Variants in AMZ1 observed in about 807,000 individuals in gnomAD.
AMZ1 encodes the protein archaelysin family metallopeptidase 1.
In AMZ1, 39 loss-of-function variants were observed where a neutral mutation model predicts 29.9. The ratio of observed to expected loss-of-function variants is 1.30; its 90% CI spans 1.01 to 1.70. The LOEUF (loss-of-function observed/expected upper bound fraction) is 1.70, where lower values mean the gene tolerates loss of function less well. AMZ1 is among the 40% of genes most tolerant of loss of function. The pLI is 0.00. For missense variants in AMZ1, 1,041 were observed against 680.6 expected (o/e 1.53, Z -5.89); for synonymous variants, 458 against 304.0 (o/e 1.51, Z -5.27).
At chr7:2,748,058 C>T (rs1443758662) in intron 4 of AMZ1, among the ~76,000 whole-genome samples, 4 of 150,104 alleles carry the variant, frequency 2.7e-5, no homozygotes, top group South Asian at 2.1e-4. Context: ...TAGGAAGAAT[C>T]GATATCATGA....
At chr7:2,690,454 C>G (rs1294498587) in intron 1 of AMZ1, among the ~76,000 whole-genome samples, 1 of 152,200 alleles carries the variant, frequency 6.6e-6, no homozygotes, top group Non-Finnish European at 1.5e-5. Context: ...CTCCTGGACT[C>G]AAGCGATTGT....
At position 2,718,582 on chromosome 7, in the gene AMZ1, G is replaced by A. The variant is rs570032117; in HGVS notation, c.*5704G>A. The stretch of plus-strand genomic sequence containing the variant: ...GTGATGAGCGCGGCTGACGGCTCCC[G>A]GGGGCAGTGTGGGGTCCAGTCTGAA... On this transcript the variant is annotated 3_prime_UTR_variant, in exon 7 of 7. Transcript: ENST00000683327. Among the ~76,000 whole-genome samples the A allele has an allele frequency of 2.0e-5, 3 of 152,324 alleles. No homozygotes were observed. The highest frequency in any genetic ancestry group is 4.4e-5 in the Non-Finnish European group (3 of 68,024).
chr7:2,683,507 G>A (rs1438622140), upstream of AMZ1, among the ~76,000 whole-genome samples: 13 of 152,052 alleles, frequency 8.5e-5, no homozygotes, highest in East Asian at 5.8e-4. Context: ...GCACGATCTC[G>A]GCTCACTGCA....
At chr7:2,698,567 G>T (rs1341400685) in intron 1 of AMZ1, among the ~76,000 whole-genome samples, 1 of 151,150 alleles carries the variant, frequency 6.6e-6, no homozygotes, top group African/African-American at 2.4e-5. Context: ...GGGCTCGGGG[G>T]GTCTGTGTGC....
rs1382082514 is a variant in AMZ1 at position 2,716,566 on chromosome 7, C to G, written c.*3688C>G. 6.6e-6 allele frequency: 1 copy of G among 152,240 alleles called. No individual in the cohort carries two copies. Among genetic ancestry groups the G allele is most frequent in the African/African-American group, 2.4e-5 (1 of 41,438 alleles). 9.4% of individuals were successfully genotyped at this position (152,240 alleles called of 1,614,324 possible). A position where few individuals can be genotyped will look rare whatever the true frequency, so the allele number is the denominator to read the frequency against. ...AAAGCTGGGAGTCCAAATTTAGATCCCACCAAGTTCAAAGGGGGAGGCTAG... is the reference window on the plus strand; with the variant it reads ...AAAGCTGGGAGTCCAAATTTAGATCGCACCAAGTTCAAAGGGGGAGGCTAG... On this transcript the variant is annotated 3_prime_UTR_variant, in exon 7 of 7. Transcript: ENST00000683327.
chr7:2,692,804 C>T (rs1025043994), intron 1 of AMZ1, among the ~76,000 whole-genome samples: 2 of 152,204 alleles, frequency 1.3e-5, no homozygotes, highest in Non-Finnish European at 2.9e-5. Context: ...AAAGCTCTTC[C>T]AACAGCCTCC....
At chr7:2,761,158 G>A (rs151030161), upstream of AMZ1, among the ~76,000 whole-genome samples, 966 of 152,222 alleles carry the variant, frequency 6.3e-3, 6 homozygotes, top group African/African-American at 0.022. Flanking sequence ...AGACAACCAC[G>A]GCCGCCTCAC....
At chr7:2,752,637 A>G (rs564617455) in intron 4 of AMZ1, among the ~76,000 whole-genome samples, 1 of 152,340 alleles carries the variant, frequency 6.6e-6, no homozygotes, top group East Asian at 1.9e-4. Context: ...AAAATCAAGT[A>G]TATGTTTTAC....
intron 4 of AMZ1, among the ~76,000 whole-genome samples, chr7:2,744,209 G>A (rs1406809194): frequency 6.6e-6 from 1 of 152,222 alleles, no homozygotes; most frequent in African/African-American, 2.4e-5. Context: ...TCTGAGAACG[G>A]GCAGACTGCC....
At chr7:2,757,832 C>CATGT (rs1346203226) in intron 4 of AMZ1, among the ~76,000 whole-genome samples, 1 of 152,162 alleles carries the variant, frequency 6.6e-6, no homozygotes, top group Non-Finnish European at 1.5e-5. Flanking sequence ...TCAATGAAGA[C>CATGT]ATGTGTTTTT....
chr7:2,750,842 G>A (rs1349313445), intron 4 of AMZ1, among the ~76,000 whole-genome samples: 1 of 152,210 alleles, frequency 6.6e-6, no homozygotes, highest in African/African-American at 2.4e-5. Context: ...TATGGCGAAA[G>A]TTTTAGAGTT....
At chr7:2,762,339 GAC>G (rs1791600140), upstream of AMZ1, 1 of 364,238 alleles carries the variant, frequency 2.7e-6, no homozygotes, top group African/African-American at 2.1e-5. Context: ...ACTGCTGCTG[GAC>G]ACACACGATC....
intron 1 of AMZ1, among the ~76,000 whole-genome samples, chr7:2,696,376 C>T (rs992735587): frequency 4.6e-5 from 7 of 150,818 alleles, no homozygotes; most frequent in Non-Finnish European, 8.9e-5. Context: ...CCTGCCTCAG[C>T]CTCCCAAGTA....
rs1191867154 is a variant in AMZ1, at chr7:2,714,867, A to G, written c.*1989A>G. ...CCCGACAAACAGGGCAGCCAGAGCC[A>G]GACAGCAGGCTCCTGGTCCCAGTCC... On this transcript the variant is annotated 3_prime_UTR_variant, in exon 7 of 7. Transcript: ENST00000683327. The G allele has an allele frequency of 6.6e-6, 1 of 152,386 alleles. No homozygotes were observed. The highest frequency in any genetic ancestry group is 1.5e-5 in the Non-Finnish European group (1 of 68,054). 9.4% of individuals were successfully genotyped at this position (152,386 alleles called of 1,614,324 possible).
intron 4 of AMZ1, among the ~76,000 whole-genome samples, chr7:2,727,801 A>ACTGTGGGAGG (rs1212749778): frequency 1.3e-5 from 2 of 151,830 alleles, no homozygotes; most frequent in South Asian, 2.1e-4. Flanking sequence ...TAATCCCAGC[A>ACTGTGGGAGG]CTGTGGGAGG....
downstream of AMZ1, among the ~76,000 whole-genome samples, chr7:2,719,903 A>C (rs1168606536): frequency 6.6e-5 from 10 of 152,100 alleles, no homozygotes; most frequent in Non-Finnish European, 7.4e-5. Context: ...GGCTGGTCTC[A>C]AACTCCTGAC....
chr7:2,742,939 T>C (rs907565948), intron 4 of AMZ1, among the ~76,000 whole-genome samples: 2 of 152,226 alleles, frequency 1.3e-5, no homozygotes, highest in Non-Finnish European at 2.9e-5. Flanking sequence ...TAGGTTCTTC[T>C]CAATTTTCCA....
intron 4 of AMZ1, among the ~76,000 whole-genome samples, chr7:2,756,443 T>A (rs1233748174): frequency 2.0e-5 from 3 of 152,006 alleles, no homozygotes; most frequent in African/African-American, 7.2e-5. Flanking sequence ...TGAGACCTCA[T>A]CTCTGCAAAA....
At chr7:2,701,863 C>G (rs912104938) in intron 2 of AMZ1, among the ~76,000 whole-genome samples, 3 of 152,208 alleles carry the variant, frequency 2.0e-5, no homozygotes, top group Admixed American at 6.5e-5. Flanking sequence ...CAGCATCCAC[C>G]ACCCCACAGC....
Sources: gnomAD v4.1 joint callset for allele counts (sites outside exome capture counted in the v4.1 genomes callset) on GRCh38, gnomAD v4.1.1 for gene constraint, MANE v1.5 for transcripts, NCBI Gene and HGNC (gene_info 2026-07-23, HGNC 2026-07-21) for gene names.